The following ADGRL2 variants were observed in gnomAD, a reference collection of about 807,000 sequenced individuals.
ADGRL2 encodes the protein adhesion G protein-coupled receptor L2, also known as calcium-independent alpha-latrotoxin receptor 2.
ADGRL2 carries 44 observed loss-of-function variants against 157.4 expected under a neutral mutation model. That is an observed-to-expected ratio of 0.28 (90% confidence interval 0.22 to 0.36). ADGRL2 has a LOEUF of 0.36. Among genes scored for constraint, ADGRL2 ranks in the 10% least tolerant of loss-of-function variants. The pLI, the probability that ADGRL2 is intolerant of heterozygous loss-of-function variation, is 1.00. For missense variants in ADGRL2, 1,510 were observed against 1,768.9 expected (o/e 0.85, Z 2.63); for synonymous variants, 585 against 624.7 (o/e 0.94, Z 0.95).
chr1:81,424,814 C>T (rs1300934260), intron 1 of ADGRL2, among the ~76,000 whole-genome samples: 1 of 152,156 alleles, frequency 6.6e-6, no homozygotes, highest in East Asian at 1.9e-4. Flanking sequence ...AAAACATTTT[C>T]TGACATAGCA....
At position 81,853,510 on chromosome 1, in the gene ADGRL2, C is replaced by T. The variant is rs201074607; in HGVS notation, c.73+16453C>T. On this transcript the variant is annotated intron_variant, in intron 2 of 23. Transcript: ENST00000686636. ...TTTGTTGGCCCAGAGATCCTGGTGA[C>T]GGCAAAAAAGTGGAGGTTGGTGTTT... Among the ~76,000 whole-genome samples the T allele has an allele frequency of 8.6e-5, 13 of 151,834 alleles. No homozygotes were observed. The East Asian group carries it at 1.4e-3, about 16-fold the overall frequency.
At chr1:81,306,463 AC>A (rs1345151360) in exon 1 of ADGRL2, 6 of 150,524 alleles carry the variant, frequency 4.0e-5, no homozygotes, top group African/African-American at 1.5e-4. Context: ...TTTACTTACA[AC>A]TTTTTTTTTT....
Position 81,950,177 on chromosome 1 carries a change from T to C in ADGRL2, c.1211-12T>C, listed in dbSNP as rs1473292915. 6.8e-6 allele frequency: 11 copies of C among 1,611,048 alleles called. No homozygotes were observed. Among genetic ancestry groups the C allele is most frequent in the Non-Finnish European group, 9.3e-6 (11 of 1,177,890 alleles). ...TGTGTTTGAGATTAATATACTCATCTTTTTTCCATAGTGCCTACCACAGCT... is the reference window on the plus strand; with the variant it reads ...TGTGTTTGAGATTAATATACTCATCCTTTTTCCATAGTGCCTACCACAGCT... On this transcript the variant is annotated splice_polypyrimidine_tract_variant and intron_variant, in intron 6 of 23. Coordinates refer to ENST00000686636, the MANE Select transcript of ADGRL2 (RefSeq NM_001366006.2).
At chr1:81,557,260 T>C in intron 2 of ADGRL2, 1 of 199,492 alleles carries the variant, frequency 5.0e-6, no homozygotes, top group Non-Finnish European at 1.2e-5. Context: ...CTCAGCTTTA[T>C]CAAGTGCTTC....
chr1:81,708,453 T>C (rs2083813927), intron 1 of ADGRL2, among the ~76,000 whole-genome samples: 1 of 152,170 alleles, frequency 6.6e-6, no homozygotes, highest in Admixed American at 6.5e-5. Flanking sequence ...CTGTCTTGAC[T>C]GAATGAGGAA....
chr1:81,507,653 C>T (rs1460539632), intron 2 of ADGRL2, among the ~76,000 whole-genome samples: 1 of 152,132 alleles, frequency 6.6e-6, no homozygotes, highest in East Asian at 1.9e-4. Flanking sequence ...GCTGCTGAGC[C>T]GCGTTGAGGG....
chr1:81,609,203 C>T (rs2081492962), intron 3 of ADGRL2, among the ~76,000 whole-genome samples: 1 of 152,006 alleles, frequency 6.6e-6, no homozygotes, highest in Non-Finnish European at 1.5e-5. Flanking sequence ...CCACACCTGG[C>T]TAATTTTTGT....
intron 2 of ADGRL2, among the ~76,000 whole-genome samples, chr1:81,567,622 T>C (rs993667924): frequency 1.3e-5 from 2 of 152,168 alleles, no homozygotes; most frequent in African/African-American, 4.8e-5. Flanking sequence ...TTGAGAATTA[T>C]ATATTAGGTT....
At chr1:81,778,027 A>G (rs1453764976) in intron 2 of ADGRL2, among the ~76,000 whole-genome samples, 1 of 151,694 alleles carries the variant, frequency 6.6e-6, no homozygotes, top group Non-Finnish European at 1.5e-5. Flanking sequence ...ACACATAAAA[A>G]TACTATGCCT....
intron 2 of ADGRL2, among the ~76,000 whole-genome samples, chr1:81,460,708 A>G (rs1203940036): frequency 6.6e-6 from 1 of 152,174 alleles, no homozygotes; most frequent in East Asian, 1.9e-4. Flanking sequence ...TTTATTAACA[A>G]AGAATAAAAT....
intron 1 of ADGRL2, among the ~76,000 whole-genome samples, chr1:81,385,334 T>TCC (rs1193380262): frequency 2.0e-5 from 3 of 152,098 alleles, no homozygotes; most frequent in Non-Finnish European, 4.4e-5. Flanking sequence ...GGCTGTATTT[T>TCC]CCAAAGTTGT....
At chr1:81,332,234 C>T (rs1219516205) in intron 1 of ADGRL2, among the ~76,000 whole-genome samples, 1 of 152,018 alleles carries the variant, frequency 6.6e-6, no homozygotes, top group Non-Finnish European at 1.5e-5. Flanking sequence ...CAGGAGTAAT[C>T]AAAATAAATA....
intron 2 of ADGRL2, among the ~76,000 whole-genome samples, chr1:81,784,022 A>T (rs2086925421): frequency 6.6e-6 from 1 of 152,206 alleles, no homozygotes; most frequent in Non-Finnish European, 1.5e-5. Context: ...CTTCCATAAC[A>T]TGCTTAAAAA....
At chr1:81,583,484 A>G (rs997054691) in intron 3 of ADGRL2, among the ~76,000 whole-genome samples, 1 of 152,138 alleles carries the variant, frequency 6.6e-6, no homozygotes, top group African/African-American at 2.4e-5. Context: ...GAGTATATGA[A>G]TAAAATAACT....
At chr1:81,694,693 T>C (rs1268765494) in intron 3 of ADGRL2, among the ~76,000 whole-genome samples, 1 of 152,148 alleles carries the variant, frequency 6.6e-6, no homozygotes, top group African/African-American at 2.4e-5. Context: ...TAATTGCCCT[T>C]CTGTAACTAA....
intron 2 of ADGRL2, among the ~76,000 whole-genome samples, chr1:81,544,145 A>T (rs528809145): frequency 6.6e-6 from 1 of 152,240 alleles, no homozygotes; most frequent in African/African-American, 2.4e-5. Flanking sequence ...TTTATCATCT[A>T]TGACCATGCT....
At chr1:81,531,362 G>C (rs2079594725) in intron 2 of ADGRL2, among the ~76,000 whole-genome samples, 1 of 152,184 alleles carries the variant, frequency 6.6e-6, no homozygotes, top group South Asian at 2.1e-4. Context: ...TACTGTGTTT[G>C]AGAAATTATA....
rs570221100 is a variant in ADGRL2 at position 81,875,231 on chromosome 1, T to G, written c.74-31786T>G. The stretch of plus-strand genomic sequence containing the variant: ...TGTCAGAACAAAGGCAAATCAGAGT[T>G]GCATTAAAGGGATATGACAGAGTGA... On this transcript the variant is annotated intron_variant, in intron 2 of 23. Transcript: ENST00000686636. Among the ~76,000 whole-genome samples the G allele has an allele frequency of 1.9e-4, 29 of 152,240 alleles. No individual in the cohort carries two copies. The East Asian group carries it at 5.6e-3, about 29-fold the overall frequency.
intron 2 of ADGRL2, among the ~76,000 whole-genome samples, chr1:81,479,840 T>C (rs1438285676): frequency 6.6e-6 from 1 of 152,212 alleles, no homozygotes; most frequent in Non-Finnish European, 1.5e-5. Context: ...TATTGATAGT[T>C]TATGGGGTTT....
Sources: gnomAD v4.1 joint callset for allele counts (sites outside exome capture counted in the v4.1 genomes callset) on GRCh38, gnomAD v4.1.1 for gene constraint, MANE v1.5 for transcripts, NCBI Gene and HGNC (gene_info 2026-07-23, HGNC 2026-07-21) for gene names.